The following CTU1 variants were observed in gnomAD, a reference collection of about 807,000 sequenced individuals.
The protein encoded by CTU1 is cytosolic thiouridylase subunit 1, also known as cytoplasmic tRNA 2-thiolation protein 1.
In CTU1, 15 loss-of-function variants were observed where a neutral mutation model predicts 12.9. That is an observed-to-expected ratio of 1.16 (90% CI 0.78 to 1.79). CTU1 has a LOEUF of 1.79. CTU1 is among the 40% of genes most tolerant of loss of function. CTU1 has a pLI of 0.00. For synonymous variants in CTU1, 295 were observed against 275.6 expected, an observed-to-expected ratio of 1.07 and a Z score of -0.70; for missense variants, 553 against 550.5, an observed-to-expected ratio of 1.00 and a Z score of -0.05.
At chr19:51,105,137 T>C (rs2091917444) in intron 1 of CTU1, among the ~76,000 whole-genome samples, 1 of 152,114 alleles carries the variant, frequency 6.6e-6, no homozygotes, top group South Asian at 2.1e-4. Flanking sequence ...GATTGCACTT[T>C]GTAGGGTGGG....
At position 51,098,727 on chromosome 19, in the gene CTU1, G is replaced by T; in HGVS notation, c.921C>A (p.Gly307=). Residue 307 remains glycine, a synonymous_variant, in exon 3 of 3, where the codon GGC becomes GGA. Coordinates refer to ENST00000421832, the MANE Select transcript of CTU1 (RefSeq NM_145232.4). The surrounding 1 kb of genome is among the most constrained non-coding windows in gnomAD (Gnocchi z 4.3). ...CCAGGCGGGGCCGGCCGCGGTTCAG[G>T]CCGTCCAGGAGCGCGCAGGCCTGGC... is the stretch of plus-strand genomic sequence containing the variant. ...ALCQACALLD[G]LNRGRPRLAI... is the part of the protein sequence containing the mutation. The T allele has an allele frequency of 3.2e-6, 4 of 1,244,892 alleles. No individual in the cohort carries two copies. The highest frequency in any genetic ancestry group is 4.0e-6 in the Non-Finnish European group (4 of 988,098). The allele number at this position is 1,244,892 out of a possible 1,614,324, so 77.1% of individuals were successfully genotyped here.
Position 51,104,543 on chromosome 19 carries a change from G to T in CTU1, c.27C>A (p.Cys9Ter). 7.9e-7 allele frequency: 1 copy of T among 1,261,076 alleles called. No homozygotes were observed. The highest frequency in any genetic ancestry group is 2.9e-5 in the South Asian group (1 of 34,282). 78.1% of individuals were successfully genotyped at this position (1,261,076 alleles called of 1,614,324 possible). A position where few individuals can be genotyped will look rare whatever the true frequency, so the allele number is the denominator to read the frequency against. ...GGCGGAGGGCGGCGCGTGCAGCATG[G>T]CAGGAGGCGCACGGCGGGGCGGGCA... Reference protein sequence around the residue: MPAPPCASCHAARAALRRP... With the variant: MPAPPCAS The change falls in exon 2 of 3, where the codon TGC (cysteine) becomes TGA (stop). Residue 9 changes from cysteine to a stop codon, truncating the protein, a stop_gained. Transcript: ENST00000421832. LOFTEE classifies it high-confidence loss of function.
In CTU1 at chr19:51,104,239, G is replaced by A. The variant is rs1255794399; in HGVS notation, c.331C>T (p.Leu111=). The change falls in exon 2 of 3, where the codon CTG becomes TTG. Residue 111 remains leucine (L), a synonymous_variant. Transcript: ENST00000421832. ...AVRRQAARWE[L]PLTVVAYEDL... is the part of the protein sequence containing the mutation. The stretch of plus-strand genomic sequence containing the variant: ...TCGTAGGCCACGACCGTGAGCGGCA[G>A]CTCCCAGCGCGCCGCCTGGCGCCGC... 17 of 1,511,908 alleles carry A rather than the reference G, an allele frequency of 1.1e-5. No individual in the cohort carries two copies. The highest frequency in any genetic ancestry group is 1.5e-5 in the Non-Finnish European group (17 of 1,136,558). 93.7% of individuals were successfully genotyped at this position (1,511,908 alleles called of 1,614,324 possible). A position where few individuals can be genotyped will look rare whatever the true frequency, so the allele number is the denominator to read the frequency against.
intron 2 of CTU1, among the ~76,000 whole-genome samples, chr19:51,103,584 CAAAA>C (rs746986273): frequency 7.2e-4 from 69 of 96,194 alleles, no homozygotes; most frequent in African/African-American, 9.8e-4. Context: ...GACTCTGTCT[CAAAA>C]AAAAAAAAAA....
chr19:51,103,478 G>A (rs1019587177), intron 2 of CTU1, among the ~76,000 whole-genome samples: 10 of 151,784 alleles, frequency 6.6e-5, no homozygotes, highest in Non-Finnish European at 1.2e-4. Context: ...CCGGCTACTC[G>A]GGAGGCTGAG....
In CTU1 at chr19:51,104,348, C is replaced by T. The variant is rs1248679628; in HGVS notation, c.222G>A (p.Leu74=). ...GCAGTGAGATGCCCAGGCGCGGCGC[C>T]AGCGCGCGCAGCACGTGCGCCAGCA... ...STVLAHVLRA[L]APRLGISLQL... is the part of the protein sequence containing the mutation. The change falls in exon 2 of 3, where the codon CTG becomes CTA. Residue 74 remains leucine, a synonymous_variant. Transcript: ENST00000421832. 7 of 1,451,104 alleles carry T rather than the reference C, an allele frequency of 4.8e-6. No homozygotes were observed. Among genetic ancestry groups the T allele is most frequent in the Non-Finnish European group, 6.3e-6 (7 of 1,106,752 alleles). The allele number at this position is 1,451,104 out of a possible 1,614,324, so 89.9% of individuals were successfully genotyped here.
chr19:51,099,019 C>T lies in CTU1; in HGVS notation c.629G>A (p.Cys210Tyr), dbSNP rs2091900266. 6 of 1,513,128 alleles carry T rather than the reference C, an allele frequency of 4.0e-6. No individual in the cohort carries two copies. The highest frequency in any genetic ancestry group is 5.3e-6 in the Non-Finnish European group (6 of 1,134,960). The allele number at this position is 1,513,128 out of a possible 1,614,324, so 93.7% of individuals were successfully genotyped here. A position where few individuals can be genotyped will look rare whatever the true frequency, so the allele number is the denominator to read the frequency against. ...CTGCGAGGCGAACTGCAGCGGGCGGCAGCGCGGCAGGGCGCCCCCCTCGCC... is the reference window on the plus strand; with the variant it reads ...CTGCGAGGCGAACTGCAGCGGGCGGTAGCGCGGCAGGGCGCCCCCCTCGCC... Reference protein sequence around the residue: ...SPGEGGALPRCRPLQFASQKE... With the variant: ...SPGEGGALPRYRPLQFASQKE... The change falls in exon 3 of 3, where the codon TGC becomes TAC. Residue 210 changes from cysteine (C) to tyrosine (Y), a missense_variant. Coordinates refer to ENST00000421832, the MANE Select transcript of CTU1 (RefSeq NM_145232.4).
Position 51,104,447 on chromosome 19 carries a change from C to A in CTU1, c.123G>T (p.Thr41=). ...GCGGCAGCAGGCGGCCGGCGAGCAC[C>A]GTGTGCAGCACCTCGGCCTCGAAGG... ...CAAFEAEVLH[T]VLAGRLLPPG... The change falls in exon 2 of 3, where the codon ACG becomes ACT. Residue 41 remains threonine, a synonymous_variant. Coordinates refer to ENST00000421832, the MANE Select transcript of CTU1 (RefSeq NM_145232.4). 3 of 1,273,654 alleles carry A rather than the reference C, an allele frequency of 2.4e-6. No homozygotes were observed. The highest frequency in any genetic ancestry group is 3.0e-6 in the Non-Finnish European group (3 of 1,009,574). The allele number at this position is 1,273,654 out of a possible 1,614,324, so 78.9% of individuals were successfully genotyped here.
intron 2 of CTU1, among the ~76,000 whole-genome samples, chr19:51,099,805 T>C (rs150123612): frequency 2.0e-5 from 3 of 152,266 alleles, no homozygotes; most frequent in African/African-American, 7.2e-5. Context: ...TCTGGGAACC[T>C]GTTAATATGT....
At chr19:51,106,109 C>T (rs1180326657) in intron 1 of CTU1, among the ~76,000 whole-genome samples, 1 of 152,182 alleles carries the variant, frequency 6.6e-6, no homozygotes, top group African/African-American at 2.4e-5. Flanking sequence ...CCCCTGGATC[C>T]CATCTCACTT....
At chr19:51,106,332 G>A (rs931620504) in intron 1 of CTU1, among the ~76,000 whole-genome samples, 1 of 152,024 alleles carries the variant, frequency 6.6e-6, no homozygotes, top group African/African-American at 2.4e-5. Flanking sequence ...AGTGACCGTC[G>A]GGAACATCTG....
At position 51,098,536 on chromosome 19, in the gene CTU1, C is replaced by A; in HGVS notation, c.*65G>T. ...GGCCAGGTAAGGTAACGGGTTTATTCACAGTGTCATTTACAGGCAGCCCCC... is the reference window on the plus strand; with the variant it reads ...GGCCAGGTAAGGTAACGGGTTTATTAACAGTGTCATTTACAGGCAGCCCCC... On this transcript the variant is annotated 3_prime_UTR_variant, in exon 3 of 3. Coordinates refer to ENST00000421832, the MANE Select transcript of CTU1 (RefSeq NM_145232.4). The surrounding 1 kb of genome is among the most constrained non-coding windows in gnomAD (Gnocchi z 4.3). 8.3e-7 allele frequency: 1 copy of A among 1,202,532 alleles called. No homozygotes were observed. The highest frequency in any genetic ancestry group is 3.5e-5 in the South Asian group (1 of 28,530). 74.5% of individuals were successfully genotyped at this position (1,202,532 alleles called of 1,614,324 possible).
In CTU1 at chr19:51,098,825, G is replaced by C; in HGVS notation, c.823C>G (p.Leu275Val). 1 of 1,118,800 alleles carries C rather than the reference G, an allele frequency of 8.9e-7. No individual in the cohort carries two copies. Among genetic ancestry groups the C allele is most frequent in the Admixed American group, 5.2e-5 (1 of 19,186 alleles). The allele number at this position is 1,118,800 out of a possible 1,614,324, so 69.3% of individuals were successfully genotyped here. A position where few individuals can be genotyped will look rare whatever the true frequency, so the allele number is the denominator to read the frequency against. Residue 275 changes from leucine to valine, a missense_variant, in exon 3 of 3, where the codon CTG becomes GTG. Leu to Val is a conservative substitution (Grantham distance 32). Around this residue, in one of 2 missense-constraint regions of CTU1, gnomAD observed 500 missense variants for 458.5 expected, o/e 1.09. Transcript: ENST00000421832. This position sits in a 1 kb window ranked among gnomAD's most constrained non-coding sequence, Gnocchi z 4.3. Reference sequence around the variant, plus strand: ...CGCGGGGGCCGCGCGGCCGGGGCCAGCGCCAGGCGCTCGGCCGAGTGCACG... The same window carrying C: ...CGCGGGGGCCGCGCGGCCGGGGCCACCGCCAGGCGCTCGGCCGAGTGCACG... ...DLVHSAERLALAPAARPPRPG... is the reference protein window; with the variant it reads ...DLVHSAERLAVAPAARPPRPG...
rs1445081891 is a variant in CTU1 at position 51,104,501 on chromosome 19, T to C, written c.69A>G (p.Gln23=). The C allele has an allele frequency of 2.2e-5, 28 of 1,295,166 alleles. No homozygotes were observed. The highest frequency in any genetic ancestry group is 2.6e-5 in the Non-Finnish European group (27 of 1,023,480). The allele number at this position is 1,295,166 out of a possible 1,614,324, so 80.2% of individuals were successfully genotyped here. ...CGCAGAAGCAGGCACCGCACAGCGC[T>C]TGGCCCGAGAGCGGACGGCGGAGGG... ...RAALRRPLSG[Q]ALCGACFCAA... Residue 23 remains glutamine (Q), a synonymous_variant, in exon 2 of 3, where the codon CAA becomes CAG. Transcript: ENST00000421832.
chr19:51,107,800 C>G (rs2091924013), intron 1 of CTU1, among the ~76,000 whole-genome samples: 1 of 152,166 alleles, frequency 6.6e-6, no homozygotes, highest in Non-Finnish European at 1.5e-5. Context: ...TAAGCGTCTT[C>G]CCTCAAAGAC....
At position 51,099,041 on chromosome 19, in the gene CTU1, C is replaced by T; in HGVS notation, c.607G>A (p.Glu203Lys). 6.6e-7 allele frequency: 1 copy of T among 1,510,970 alleles called. No homozygotes were observed. Among genetic ancestry groups the T allele is most frequent in the South Asian group, 1.2e-5 (1 of 83,090 alleles). The allele number at this position is 1,510,970 out of a possible 1,614,324, so 93.6% of individuals were successfully genotyped here. ...CGGCAGCGCGGCAGGGCGCCCCCCT[C>T]GCCGGGAGAGCCCAGGCCCCCGCCC... ...ARGGGLGSPG[E>K]GGALPRCRPL... Residue 203 changes from glutamate to lysine, a missense_variant, in exon 3 of 3, where the codon GAG (glutamate) becomes AAG (lysine). Glu to Lys is a moderately conservative substitution (Grantham distance 56). Transcript: ENST00000421832.
intron 2 of CTU1, among the ~76,000 whole-genome samples, chr19:51,102,369 A>G (rs1256809859): frequency 6.6e-6 from 1 of 152,186 alleles, no homozygotes; most frequent in Non-Finnish European, 1.5e-5. Flanking sequence ...CCCATTTTCA[A>G]TCACAGAGAT....
chr19:51,106,945 G>A (rs1238642198), intron 1 of CTU1, among the ~76,000 whole-genome samples: 2 of 152,084 alleles, frequency 1.3e-5, no homozygotes, highest in Admixed American at 6.5e-5. Context: ...TTTCTTCCTC[G>A]AAAGGCAGAA....
chr19:51,101,238 C>T (rs1369873572), intron 2 of CTU1, among the ~76,000 whole-genome samples: 4 of 152,130 alleles, frequency 2.6e-5, no homozygotes, highest in South Asian at 2.1e-4. Context: ...TGTGTCACCA[C>T]CCCTGTAATC....
Sources: allele counts gnomAD v4.1 joint callset (sites outside exome capture counted in the v4.1 genomes callset), GRCh38; gene constraint gnomAD v4.1.1; regional missense constraint gnomAD v4.1.1; non-coding constraint Gnocchi (gnomAD v3.1); transcripts MANE v1.5; gene names NCBI Gene and HGNC (gene_info 2026-07-23, HGNC 2026-07-21).